The following FSTL4 variants were observed in gnomAD, a reference collection of about 807,000 sequenced individuals.
FSTL4 encodes the protein follistatin-related protein 4.
A neutral mutation model predicts 78.2 loss-of-function variants in FSTL4; 28 were observed. The observed-to-expected ratio is 0.36, with a 90% CI of 0.27 to 0.49. The LOEUF (loss-of-function observed/expected upper bound fraction) is 0.49, where lower values mean the gene tolerates loss of function less well. Among genes scored for constraint, FSTL4 ranks in the 20% least tolerant of loss-of-function variants. The pLI is 0.98. For synonymous variants in FSTL4, 422 were observed against 440.5 expected, an observed-to-expected ratio of 0.96 and a Z score of 0.53; for missense variants, 922 against 1,084.9, an observed-to-expected ratio of 0.85 and a Z score of 2.11.
chr5:133,821,403 A>AC, the FSTL4 span, among the ~76,000 whole-genome samples: 1 of 152,238 alleles, frequency 6.6e-6, no homozygotes, highest in African/African-American at 2.4e-5. Flanking sequence ...CAGGGGTAGG[A>AC]CGCAGCCCCA....
chr5:133,463,589 C>T (rs931955023), intron 3 of FSTL4, among the ~76,000 whole-genome samples: 3 of 152,214 alleles, frequency 2.0e-5, no homozygotes, highest in Non-Finnish European at 4.4e-5. Context: ...ATGGTCTGTT[C>T]CCTAAAGCAC....
intron 3 of FSTL4, among the ~76,000 whole-genome samples, chr5:133,478,295 T>C (rs763483796): frequency 2.0e-5 from 3 of 152,240 alleles, no homozygotes; most frequent in Non-Finnish European, 4.4e-5. Flanking sequence ...ATTTATGGTG[T>C]GGCTATACAC....
At chr5:133,824,533 G>A in the FSTL4 span, among the ~76,000 whole-genome samples, 5 of 152,176 alleles carry the variant, frequency 3.3e-5, no homozygotes, top group African/African-American at 1.2e-4. Flanking sequence ...AAGACCAAAT[G>A]TATATTTCAC....
chr5:133,782,887 A>G, the FSTL4 span, among the ~76,000 whole-genome samples: 1 of 152,050 alleles, frequency 6.6e-6, no homozygotes, highest in Non-Finnish European at 1.5e-5. Context: ...TGGAATCAGA[A>G]CCTCACGCTG....
intron 13 of FSTL4, among the ~76,000 whole-genome samples, chr5:133,213,386 G>A (rs1377857806): frequency 6.6e-6 from 1 of 152,206 alleles, no homozygotes; most frequent in Non-Finnish European, 1.5e-5. Context: ...CAAAGTTGGT[G>A]TTAGAACTAT....
intron 4 of FSTL4, among the ~76,000 whole-genome samples, chr5:133,359,231 A>G (rs1289370283): frequency 6.6e-6 from 1 of 152,172 alleles, no homozygotes; most frequent in African/African-American, 2.4e-5. Flanking sequence ...TATCATTGTG[A>G]TAGTTTCCTT....
chr5:133,302,219 C>T (rs543087321), intron 6 of FSTL4, among the ~76,000 whole-genome samples: 14 of 152,164 alleles, frequency 9.2e-5, no homozygotes, highest in African/African-American at 3.1e-4. Context: ...AACATATGGC[C>T]GTTACATGTG....
chr5:133,413,925 T>A (rs1580693258), intron 3 of FSTL4, among the ~76,000 whole-genome samples: 1 of 152,098 alleles, frequency 6.6e-6, no homozygotes, highest in Non-Finnish European at 1.5e-5. Context: ...ATCATATTTT[T>A]AATTTTTAAA....
chr5:133,364,505 C>T lies in FSTL4; in HGVS notation c.409+36233G>A, dbSNP rs1013346293. On this transcript the variant is annotated intron_variant, in intron 4 of 15. Transcript: ENST00000265342. Reference sequence around the variant, plus strand: ...TTCAAGGTCCTATGATGAAGACTCCCTGCTCCTCCTGCAGGAATCATCCCT... The same window carrying T: ...TTCAAGGTCCTATGATGAAGACTCCTTGCTCCTCCTGCAGGAATCATCCCT... 2.2e-4 allele frequency among the ~76,000 whole-genome samples: 34 copies of T among 152,224 alleles called. 1 individual carries two copies. Among genetic ancestry groups the T allele is most frequent in the Admixed American group, 2.0e-4 (3 of 15,290 alleles).
At chr5:133,321,644 G>A (rs981358521) in intron 4 of FSTL4, among the ~76,000 whole-genome samples, 3 of 152,346 alleles carry the variant, frequency 2.0e-5, no homozygotes, top group Admixed American at 1.3e-4. Flanking sequence ...TCAGGAGTTC[G>A]AGAGAATGGT....
chr5:133,507,165 G>A (rs955399718), intron 3 of FSTL4, among the ~76,000 whole-genome samples: 4 of 152,224 alleles, frequency 2.6e-5, no homozygotes, highest in Middle Eastern at 3.4e-3. Context: ...CCGAGATCAC[G>A]CCACTGCCCT....
chr5:133,235,499 C>CAAAA (rs71581361), intron 7 of FSTL4, among the ~76,000 whole-genome samples: 4 of 97,528 alleles, frequency 4.1e-5, no homozygotes, highest in East Asian at 2.8e-4. Context: ...ACCCCACCTC[C>CAAAA]AAAAAAAAAA....
intron 4 of FSTL4, among the ~76,000 whole-genome samples, chr5:133,340,567 C>T (rs988508327): frequency 2.6e-5 from 4 of 152,150 alleles, no homozygotes; most frequent in Non-Finnish European, 4.4e-5. Flanking sequence ...TAATAAATAC[C>T]TTAGTCCCAC....
intron 2 of FSTL4, among the ~76,000 whole-genome samples, chr5:133,570,328 T>A (rs900606682): frequency 3.3e-5 from 5 of 152,156 alleles, no homozygotes; most frequent in Non-Finnish European, 5.9e-5. Context: ...TATTTTAAAA[T>A]TTTTTTATTC....
the FSTL4 span, among the ~76,000 whole-genome samples, chr5:133,660,600 C>T: frequency 7.9e-5 from 12 of 152,156 alleles, no homozygotes; most frequent in South Asian, 4.1e-4. Context: ...GAAGTTGTCT[C>T]GGTTCAAATG....
chr5:133,808,929 C>T, the FSTL4 span, among the ~76,000 whole-genome samples: 1 of 133,162 alleles, frequency 7.5e-6, no homozygotes, highest in Non-Finnish European at 1.5e-5. Flanking sequence ...AAAAGGAATT[C>T]AGTGAACCAC....
intron 4 of FSTL4, among the ~76,000 whole-genome samples, chr5:133,359,747 CA>C (rs1755029045): frequency 6.6e-6 from 1 of 152,248 alleles, no homozygotes; most frequent in East Asian, 1.9e-4. Flanking sequence ...GCCCCACCCT[CA>C]TTCAGCTTTT....
intron 14 of FSTL4, among the ~76,000 whole-genome samples, chr5:133,207,337 C>A (rs1281258606): frequency 6.6e-6 from 1 of 152,236 alleles, no homozygotes; most frequent in East Asian, 1.9e-4. Flanking sequence ...ACCCTAAATT[C>A]CACATTGCCT....
the FSTL4 span, among the ~76,000 whole-genome samples, chr5:133,682,822 T>C: frequency 6.6e-6 from 1 of 152,180 alleles, no homozygotes; most frequent in Admixed American, 6.5e-5. Context: ...ATAGCCTCCC[T>C]TCCTTAGGAT....
Sources: allele counts gnomAD v4.1 joint callset (sites outside exome capture counted in the v4.1 genomes callset), GRCh38; gene constraint gnomAD v4.1.1; transcripts MANE v1.5; gene names NCBI Gene and HGNC (gene_info 2026-07-23, HGNC 2026-07-21).